NSUN6: variants seen among roughly 807,000 people sequenced by gnomAD.
NSUN6 encodes the protein tRNA (cytosine(72)-C(5))-methyltransferase NSUN6.
Under a neutral mutation model 58.0 loss-of-function variants are expected in NSUN6, and 64 were observed. That is an observed-to-expected ratio of 1.10 (90% CI 0.90 to 1.36). The LOEUF (loss-of-function observed/expected upper bound fraction) is 1.36, where lower values mean the gene tolerates loss of function less well. NSUN6 is among the 40% of genes most tolerant of loss of function. NSUN6 has a pLI of 0.00. For synonymous variants in NSUN6, 231 were observed against 193.9 expected (o/e 1.19, Z -1.59); for missense variants, 701 against 550.1 (o/e 1.27, Z -2.74).
intron 3 of NSUN6, among the ~76,000 whole-genome samples, chr10:18,626,326 G>C (rs1405201208): frequency 2.0e-5 from 3 of 151,776 alleles, no homozygotes; most frequent in Non-Finnish European, 1.5e-5. Flanking sequence ...GATCACTTGA[G>C]CTCAGGAGCT....
At chr10:18,592,502 T>A (rs540958632) in intron 7 of NSUN6, among the ~76,000 whole-genome samples, 1 of 152,050 alleles carries the variant, frequency 6.6e-6, no homozygotes, top group Non-Finnish European at 1.5e-5. Context: ...AAAACAGCAA[T>A]GTACTGGTAA....
chr10:18,658,363 A>G (rs980498403), upstream of NSUN6: 1 of 152,256 alleles, frequency 6.6e-6, no homozygotes, highest in African/African-American at 2.4e-5. Context: ...CCACGTTGCC[A>G]AGGTTAAAAT....
At position 18,620,449 on chromosome 10, in the gene NSUN6, A is replaced by G. The variant is rs909610505; in HGVS notation, c.312-4156T>C. Among the ~76,000 whole-genome samples, 3 of 152,138 alleles carry G rather than the reference A, an allele frequency of 2.0e-5. No individual in the cohort carries two copies. In the East Asian group the frequency reaches 5.8e-4, roughly 29 times the overall value. ...AATTCCTTGGTACAAAAAAATCTTC[A>G]TACTTCATATCTGCCTCTCCCAACT... On this transcript the variant is annotated intron_variant, in intron 3 of 10. Coordinates refer to ENST00000377304, the MANE Select transcript of NSUN6 (RefSeq NM_182543.5).
rs532297311 is a variant in NSUN6, at chr10:18,545,861, C to G, written c.*72G>C. 105 of 353,760 alleles carry G rather than the reference C, an allele frequency of 3.0e-4. 3 individuals are homozygous for G. Among genetic ancestry groups the G allele is most frequent in the Middle Eastern group, 2.8e-3 (4 of 1,422 alleles). The allele number at this position is 353,760 out of a possible 1,614,324, so 21.9% of individuals were successfully genotyped here. ...TCATCATTCAGTTGGCCTGACAACA[C>G]TTTGGTTAAAAAAAAAAAAACCACA... is the stretch of plus-strand genomic sequence containing the variant. On this transcript the variant is annotated 3_prime_UTR_variant, in exon 11 of 11. Transcript: ENST00000377304.
In NSUN6 at chr10:18,574,283, T is replaced by G. The variant is rs147490460; in HGVS notation, c.922+11666A>C. ...TGAGAGCAAGCACGCCTCACCAAGT[T>G]AGAACTACGTTAACCAGAGAGCAGG... On this transcript the variant is annotated intron_variant, in intron 8 of 10. Coordinates refer to ENST00000377304, the MANE Select transcript of NSUN6 (RefSeq NM_182543.5). Among the ~76,000 whole-genome samples, 890 of 152,124 alleles carry G rather than the reference T, an allele frequency of 5.9e-3. 13 individuals are homozygous for G. Among genetic ancestry groups the G allele is most frequent in the African/African-American group, 0.02 (826 of 41,500 alleles).
At chr10:18,555,914 A>G (rs1332847272) in intron 8 of NSUN6, among the ~76,000 whole-genome samples, 4 of 118,270 alleles carry the variant, frequency 3.4e-5, no homozygotes, top group African/African-American at 1.2e-4. Flanking sequence ...GGAGAATGGA[A>G]TGGAATGGAA....
At chr10:18,656,159 C>A (rs765763252), upstream of NSUN6, among the ~76,000 whole-genome samples, 14 of 152,136 alleles carry the variant, frequency 9.2e-5, no homozygotes, top group Non-Finnish European at 1.8e-4. Flanking sequence ...TGATTTCAGA[C>A]CATATGGCAG....
intron 8 of NSUN6, among the ~76,000 whole-genome samples, chr10:18,575,233 T>A (rs1483330555): frequency 6.6e-6 from 1 of 152,182 alleles, no homozygotes; most frequent in African/African-American, 2.4e-5. Flanking sequence ...CCAAACAGGT[T>A]ATAAATAGTT....
At chr10:18,627,460 C>G (rs1006752412) in intron 3 of NSUN6, among the ~76,000 whole-genome samples, 2 of 152,160 alleles carry the variant, frequency 1.3e-5, no homozygotes, top group East Asian at 3.9e-4. Flanking sequence ...GCGTGAGCGA[C>G]GCAGAAGACG....
At chr10:18,549,011 A>G (rs776149853) in intron 9 of NSUN6, among the ~76,000 whole-genome samples, 3 of 152,232 alleles carry the variant, frequency 2.0e-5, no homozygotes, top group Non-Finnish European at 2.9e-5. Context: ...GATTATTCCA[A>G]CCGCCTCCTA....
intron 7 of NSUN6, among the ~76,000 whole-genome samples, chr10:18,587,207 C>A (rs2057189596): frequency 6.6e-6 from 1 of 152,174 alleles, no homozygotes; most frequent in South Asian, 2.1e-4. Context: ...ATTTGATGTG[C>A]CTTGCTCACC....
At chr10:18,626,519 G>A (rs1007785393) in intron 3 of NSUN6, among the ~76,000 whole-genome samples, 2 of 152,230 alleles carry the variant, frequency 1.3e-5, no homozygotes, top group Non-Finnish European at 2.9e-5. Flanking sequence ...TGTAATCCCA[G>A]CACTTTAGGA....
chr10:18,586,040 C>T lies in NSUN6; in HGVS notation c.831G>A (p.Gln277=). The T allele has an allele frequency of 6.2e-7, 1 of 1,610,326 alleles. No individual in the cohort carries two copies. Among genetic ancestry groups the T allele is most frequent in the Non-Finnish European group, 8.5e-7 (1 of 1,178,400 alleles). ...AATTCAGCCCTAACAATAAGGCATTCTGTTTGATTTTTTCTACTTTGTTGA... is the reference window on the plus strand; with the variant it reads ...AATTCAGCCCTAACAATAAGGCATTTTGTTTGATTTTTTCTACTTTGTTGA... ...KIFNKVEKIK[Q]NALLLGLNSI... Residue 277 remains glutamine, a synonymous_variant, in exon 8 of 11, where the codon CAG becomes CAA. Coordinates refer to ENST00000377304, the MANE Select transcript of NSUN6 (RefSeq NM_182543.5).
At chr10:18,645,631 C>G (rs1441938889) in intron 2 of NSUN6, among the ~76,000 whole-genome samples, 1 of 152,098 alleles carries the variant, frequency 6.6e-6, no homozygotes, top group Non-Finnish European at 1.5e-5. Flanking sequence ...TACTTAAGAG[C>G]TGATGTATAT....
At chr10:18,652,177 A>C (rs1419661508), upstream of NSUN6, 1 of 985,218 alleles carries the variant, frequency 1.0e-6, no homozygotes, top group African/African-American at 1.7e-5. Flanking sequence ...CTTGTATCAT[A>C]GTTGACATAT....
At chr10:18,594,500 G>A (rs757401825) in intron 7 of NSUN6, among the ~76,000 whole-genome samples, 257 of 151,922 alleles carry the variant, frequency 1.7e-3, no homozygotes, top group Non-Finnish European at 2.7e-3. Context: ...CCATGCTGGA[G>A]TGCAGTGGCG....
intron 3 of NSUN6, among the ~76,000 whole-genome samples, chr10:18,630,207 G>A (rs1047807162): frequency 1.2e-4 from 18 of 147,324 alleles, no homozygotes; most frequent in Non-Finnish European, 2.1e-4. Flanking sequence ...TGAAACCAAC[G>A]AGAACAAAGA....
intron 8 of NSUN6, among the ~76,000 whole-genome samples, chr10:18,555,672 G>GGAATGGATA: frequency 3.0e-5 from 2 of 66,350 alleles, no homozygotes; most frequent in African/African-American, 5.1e-5. Context: ...TGGAATGGAT[G>GGAATGGATA]ATGGTATGGA....
At chr10:18,625,720 TAAAAAAAAA>T (rs71402188) in intron 3 of NSUN6, among the ~76,000 whole-genome samples, 14 of 53,810 alleles carry the variant, frequency 2.6e-4, no homozygotes, top group Admixed American at 1.2e-3. Context: ...GTTTTTTTTT[TAAAAAAAAA>T]AAAAAAAAAA....
Sources: allele counts gnomAD v4.1 joint callset (sites outside exome capture counted in the v4.1 genomes callset), GRCh38; gene constraint gnomAD v4.1.1; transcripts MANE v1.5; gene names NCBI Gene and HGNC (gene_info 2026-07-23, HGNC 2026-07-21).